Variants in PLPPR1 observed in about 807,000 individuals in gnomAD.
PLPPR1 encodes phospholipid phosphatase-related protein type 1.
In PLPPR1, 10 loss-of-function variants were observed where a neutral mutation model predicts 33.1. The ratio of observed to expected loss-of-function variants is 0.30; its 90% confidence interval spans 0.19 to 0.51. The LOEUF is 0.51. Ranked by LOEUF, PLPPR1 falls within the 20% of genes least tolerant of loss-of-function variation. The pLI, the probability that PLPPR1 is intolerant of heterozygous loss-of-function variation, is 0.97. For missense variants in PLPPR1, 304 were observed against 408.1 expected, an observed-to-expected ratio of 0.74 and a Z score of 2.20; for synonymous variants, 151 against 151.0, an observed-to-expected ratio of 1.00 and a Z score of 0.00.
chr9:101,051,246 TTAC>T (rs35355458), intron 1 of PLPPR1, among the ~76,000 whole-genome samples: 92,794 of 149,664 alleles, frequency 0.62, 28,762 homozygotes, highest in East Asian at 0.73. Context: ...CAATTCTTTG[TTAC>T]TACTACTACT....
At chr9:101,279,033 A>G (rs1828248621) in intron 3 of PLPPR1, among the ~76,000 whole-genome samples, 1 of 152,198 alleles carries the variant, frequency 6.6e-6, no homozygotes, top group Admixed American at 6.5e-5. Context: ...CCCAAGAACA[A>G]TCAGTAAAAC....
At chr9:101,244,192 G>C (rs1827537283) in intron 2 of PLPPR1, among the ~76,000 whole-genome samples, 2 of 151,886 alleles carry the variant, frequency 1.3e-5, no homozygotes, top group South Asian at 4.1e-4. Context: ...GATTTGAGAA[G>C]AGTGGAGGAA....
intron 1 of PLPPR1, among the ~76,000 whole-genome samples, chr9:101,066,851 A>G (rs963554311): frequency 1.3e-5 from 2 of 151,968 alleles, no homozygotes; most frequent in Non-Finnish European, 2.9e-5. Flanking sequence ...AGAACTAGCT[A>G]CTGGATGTGC....
At chr9:101,152,679 T>G (rs1831604696) in intron 1 of PLPPR1, among the ~76,000 whole-genome samples, 1 of 152,064 alleles carries the variant, frequency 6.6e-6, no homozygotes, top group Admixed American at 6.6e-5. Flanking sequence ...TTCTTGTTTT[T>G]GTCAGGTGTG....
At chr9:101,166,499 C>T (rs1201551033) in intron 1 of PLPPR1, among the ~76,000 whole-genome samples, 1 of 152,040 alleles carries the variant, frequency 6.6e-6, no homozygotes, top group Non-Finnish European at 1.5e-5. Flanking sequence ...ATTAGTAATT[C>T]AGACATTAAA....
intron 1 of PLPPR1, among the ~76,000 whole-genome samples, chr9:101,111,588 C>G (rs1270512980): frequency 6.6e-6 from 1 of 152,124 alleles, no homozygotes; most frequent in Non-Finnish European, 1.5e-5. Context: ...TATGATTTGT[C>G]AATATTCTGT....
At chr9:101,057,995 C>G (rs1045935380) in intron 1 of PLPPR1, among the ~76,000 whole-genome samples, 6 of 152,090 alleles carry the variant, frequency 3.9e-5, no homozygotes, top group Non-Finnish European at 8.8e-5. Context: ...CCTTCATGCT[C>G]TGCCCCATCT....
At chr9:101,050,089 C>T (rs1004401776) in intron 1 of PLPPR1, among the ~76,000 whole-genome samples, 3 of 138,548 alleles carry the variant, frequency 2.2e-5, no homozygotes, top group Non-Finnish European at 3.0e-5. Flanking sequence ...CGTGCCACTG[C>T]ACTCCAGCCT....
chr9:101,195,798 A>G (rs1453541129), intron 2 of PLPPR1, among the ~76,000 whole-genome samples: 1 of 152,124 alleles, frequency 6.6e-6, no homozygotes. Flanking sequence ...TTCCCTGTGA[A>G]TTTCCCTGAG....
chr9:101,273,156 T>C (rs1564023623), intron 3 of PLPPR1, among the ~76,000 whole-genome samples: 3 of 152,198 alleles, frequency 2.0e-5, no homozygotes, highest in Non-Finnish European at 2.9e-5. Context: ...TTTTCTCTTC[T>C]GTAAGAGAAT....
intron 4 of PLPPR1, among the ~76,000 whole-genome samples, chr9:101,286,859 A>T (rs186234718): frequency 6.6e-6 from 1 of 152,352 alleles, no homozygotes; most frequent in East Asian, 1.9e-4. Context: ...GAGATCTTAC[A>T]AAGTTCCTAC....
chr9:101,051,269 A>G (rs910859797), intron 1 of PLPPR1, among the ~76,000 whole-genome samples: 1 of 146,700 alleles, frequency 6.8e-6, no homozygotes, highest in Admixed American at 6.7e-5. Context: ...TACTACTACT[A>G]CTACTTCTAC....
chr9:101,124,559 C>T (rs1831221311), intron 1 of PLPPR1, among the ~76,000 whole-genome samples: 1 of 152,182 alleles, frequency 6.6e-6, no homozygotes. Context: ...TCTAATGAAA[C>T]AGAAGCAAAA....
intron 3 of PLPPR1, among the ~76,000 whole-genome samples, chr9:101,278,182 T>TATA (rs551628039): frequency 3.9e-5 from 6 of 152,230 alleles, no homozygotes; most frequent in Non-Finnish European, 8.8e-5. Context: ...AATACAAAAT[T>TATA]ATAATACATC....
At chr9:101,050,279 GTC>G (rs1830205139) in intron 1 of PLPPR1, among the ~76,000 whole-genome samples, 1 of 151,806 alleles carries the variant, frequency 6.6e-6, no homozygotes, top group Non-Finnish European at 1.5e-5. Context: ...TTTCCTCAAT[GTC>G]TTTTTTTGGA....
At chr9:101,314,289 T>C (rs1299148541) in intron 6 of PLPPR1, among the ~76,000 whole-genome samples, 1 of 152,226 alleles carries the variant, frequency 6.6e-6, no homozygotes, top group East Asian at 1.9e-4. Flanking sequence ...ACACTTCCTT[T>C]TCCTAGCCCC....
At chr9:101,083,667 G>C (rs927668311) in intron 1 of PLPPR1, among the ~76,000 whole-genome samples, 2 of 152,118 alleles carry the variant, frequency 1.3e-5, no homozygotes, top group Non-Finnish European at 2.9e-5. Flanking sequence ...AGGAGTGATC[G>C]CTTACCATGC....
rs1827666501 is a variant in PLPPR1, at chr9:101,249,076, T to C, written c.64-20804T>C. On this transcript the variant is annotated intron_variant, in intron 2 of 7. Transcript: ENST00000374874. ...GATTATACCAAATTCCACGCCAAAC[T>C]TCATGATATGCCAACACTATTAGGT... Among the ~76,000 whole-genome samples, 4 of 152,112 alleles carry C rather than the reference T, an allele frequency of 2.6e-5. No homozygotes were observed. In the South Asian group the frequency reaches 8.3e-4, roughly 31 times the overall value.
intron 2 of PLPPR1, among the ~76,000 whole-genome samples, chr9:101,206,052 GC>G (rs1156536819): frequency 1.3e-5 from 2 of 152,126 alleles, no homozygotes; most frequent in Non-Finnish European, 2.9e-5. Flanking sequence ...CCATCACAGT[GC>G]CCCAAAGATT....
Sources: gnomAD v4.1 joint callset for allele counts (sites outside exome capture counted in the v4.1 genomes callset) on GRCh38, gnomAD v4.1.1 for gene constraint, MANE v1.5 for transcripts, NCBI Gene and HGNC (gene_info 2026-07-23, HGNC 2026-07-21) for gene names.